CACNG2: variants seen among roughly 807,000 people sequenced by gnomAD.
CACNG2 encodes voltage-dependent calcium channel gamma-2 subunit.
A neutral mutation model predicts 25.9 loss-of-function variants in CACNG2; 3 were observed. That is an observed-to-expected ratio of 0.12 (90% confidence interval 0.05 to 0.30). The LOEUF is 0.30. CACNG2 is among the 10% of genes least tolerant of loss of function. The pLI is 1.00. For synonymous variants in CACNG2, 167 were observed against 173.3 expected (o/e 0.96, Z 0.29); for missense variants, 341 against 432.5 (o/e 0.79, Z 1.88).
intron 1 of CACNG2, among the ~76,000 whole-genome samples, chr22:36,642,613 C>T (rs1423176609): frequency 4.6e-5 from 7 of 152,196 alleles, no homozygotes; most frequent in Non-Finnish European, 5.9e-5. Context: ...ACTGAGATTT[C>T]GAGATTGGTT....
chr22:36,667,713 C>T (rs1480761673), intron 1 of CACNG2, among the ~76,000 whole-genome samples: 2 of 152,120 alleles, frequency 1.3e-5, no homozygotes, highest in Non-Finnish European at 2.9e-5. Flanking sequence ...TACATTTCGC[C>T]TTCATGTCGC....
At chr22:36,582,219 G>C (rs147453456) in intron 2 of CACNG2, among the ~76,000 whole-genome samples, 58 of 152,212 alleles carry the variant, frequency 3.8e-4, no homozygotes, top group African/African-American at 1.3e-3. Context: ...GATGGTGTCT[G>C]TCAATCAGAG....
intron 1 of CACNG2, among the ~76,000 whole-genome samples, chr22:36,609,351 GC>G (rs1255421489): frequency 9.0e-5 from 13 of 144,224 alleles, no homozygotes; most frequent in South Asian, 4.6e-4. Flanking sequence ...GTGTGATCGG[GC>G]AGGAATCAGC....
intron 2 of CACNG2, chr22:36,585,007 T>G (rs1176511432): frequency 6.6e-6 from 1 of 152,244 alleles, no homozygotes; most frequent in African/African-American, 2.4e-5. Flanking sequence ...CCAGCTGTTT[T>G]CCTCTGGAAG....
intron 1 of CACNG2, among the ~76,000 whole-genome samples, chr22:36,659,806 T>G (rs1397925922): frequency 1.3e-5 from 2 of 151,996 alleles, no homozygotes; most frequent in African/African-American, 2.4e-5. Flanking sequence ...TGGAACACCT[T>G]GAATATCTGC....
chr22:36,573,835 T>G lies in CACNG2; in HGVS notation c.296-7342A>C, dbSNP rs1031630469. On this transcript the variant is annotated intron_variant, in intron 2 of 3. Coordinates refer to ENST00000300105, the MANE Select transcript of CACNG2 (RefSeq NM_006078.5). ...GCTTATGTGGGGATCAGGACAGGTC[T>G]CCCTGAGGAAGTGGTGGTAGAGCTG... Among the ~76,000 whole-genome samples the G allele has an allele frequency of 6.6e-5, 10 of 152,204 alleles. No homozygotes were observed. The South Asian group carries it at 1.9e-3, about 28-fold the overall frequency.
At chr22:36,680,953 G>C (rs924785334) in intron 1 of CACNG2, among the ~76,000 whole-genome samples, 2 of 151,564 alleles carry the variant, frequency 1.3e-5, no homozygotes, top group African/African-American at 4.9e-5. Flanking sequence ...TTATGTCTCA[G>C]ATTCTTTTCT....
Position 36,691,588 on chromosome 22 carries a change from C to T in CACNG2, c.211+10778G>A, listed in dbSNP as rs554439561. Among the ~76,000 whole-genome samples the T allele has an allele frequency of 7.9e-4, 121 of 152,292 alleles. 4 individuals carry two copies. The South Asian group carries it at 0.025, about 31-fold the overall frequency. ...AGAAAATGGAAGATATAATTAGTGTCATAGAAGGCTGTACACAGGTTTTGG... is the reference window on the plus strand; with the variant it reads ...AGAAAATGGAAGATATAATTAGTGTTATAGAAGGCTGTACACAGGTTTTGG... On this transcript the variant is annotated intron_variant, in intron 1 of 3. Transcript: ENST00000300105.
chr22:36,655,910 C>T (rs1936698756), intron 1 of CACNG2, among the ~76,000 whole-genome samples: 1 of 151,690 alleles, frequency 6.6e-6, no homozygotes, highest in South Asian at 2.1e-4. Flanking sequence ...CGGGTTCAAG[C>T]AATTCTCCTG....
At chr22:36,619,616 C>G (rs1936076569) in intron 1 of CACNG2, among the ~76,000 whole-genome samples, 1 of 152,216 alleles carries the variant, frequency 6.6e-6, no homozygotes, top group Non-Finnish European at 1.5e-5. Context: ...TGACAGTAGT[C>G]CCATCATCCA....
At chr22:36,588,940 G>T (rs1278914944) in intron 1 of CACNG2, among the ~76,000 whole-genome samples, 1 of 151,004 alleles carries the variant, frequency 6.6e-6, no homozygotes, top group Non-Finnish European at 1.5e-5. Context: ...ATTCTAGTAT[G>T]TGTCATAGAT....
chr22:36,600,843 G>C (rs6000344), intron 1 of CACNG2, among the ~76,000 whole-genome samples: 6,555 of 151,990 alleles, frequency 0.043, 505 homozygotes, highest in African/African-American at 0.15. Context: ...CACCGCTCCC[G>C]GCCTAAAATT....
intron 1 of CACNG2, among the ~76,000 whole-genome samples, chr22:36,677,406 C>T (rs780453212): frequency 2.0e-5 from 3 of 152,144 alleles, no homozygotes; most frequent in Admixed American, 6.5e-5. Flanking sequence ...CTCGGGTCCA[C>T]GGGAAAGGAT....
intron 1 of CACNG2, among the ~76,000 whole-genome samples, chr22:36,614,345 C>T (rs2145944043): frequency 6.6e-6 from 1 of 152,308 alleles, no homozygotes; most frequent in South Asian, 2.1e-4. Flanking sequence ...GCTCAGTTTA[C>T]ACATCATTTC....
chr22:36,571,329 T>C (rs1437566515), intron 2 of CACNG2, among the ~76,000 whole-genome samples: 1 of 152,032 alleles, frequency 6.6e-6, no homozygotes, highest in Non-Finnish European at 1.5e-5. Context: ...TGACGGTAAG[T>C]GCCTGTAATC....
intron 1 of CACNG2, among the ~76,000 whole-genome samples, chr22:36,662,215 C>T (rs550307426): frequency 1.3e-5 from 2 of 152,110 alleles, no homozygotes. Context: ...CTCCTGACCT[C>T]AGATGATCCT....
chr22:36,680,582 A>G (rs1400426453), intron 1 of CACNG2, among the ~76,000 whole-genome samples: 2 of 146,774 alleles, frequency 1.4e-5, no homozygotes, highest in Admixed American at 6.8e-5. Context: ...CACCTTCATG[A>G]TCACCACCAC....
Position 36,665,086 on chromosome 22 carries a change from C to T in CACNG2, c.211+37280G>A, listed in dbSNP as rs139193362. On this transcript the variant is annotated intron_variant, in intron 1 of 3. Coordinates refer to ENST00000300105, the MANE Select transcript of CACNG2 (RefSeq NM_006078.5). ...TAACAGGAAAGAGGGCTGGTGAAGG[C>T]AGGCCACAGAAGACTTGGGCAGCCT... Among the ~76,000 whole-genome samples the T allele has an allele frequency of 2.6e-4, 40 of 152,320 alleles. No homozygotes were observed. The East Asian group carries it at 7.1e-3, about 27-fold the overall frequency.
intron 1 of CACNG2, among the ~76,000 whole-genome samples, chr22:36,638,628 C>T (rs989383843): frequency 2.0e-5 from 3 of 152,210 alleles, no homozygotes; most frequent in African/African-American, 4.8e-5. Context: ...ACACTCCTCT[C>T]TTTAGTACCC....
Sources: gnomAD v4.1 joint callset for allele counts (sites outside exome capture counted in the v4.1 genomes callset) on GRCh38, gnomAD v4.1.1 for gene constraint, MANE v1.5 for transcripts, NCBI Gene and HGNC (gene_info 2026-07-23, HGNC 2026-07-21) for gene names.